The following DLGAP2 variants were observed in gnomAD, a reference collection of about 807,000 sequenced individuals.
The protein encoded by DLGAP2 is DLG associated protein 2.
In DLGAP2, 26 loss-of-function variants were observed where a neutral mutation model predicts 100.3. The observed-to-expected ratio is 0.26, with a 90% CI of 0.19 to 0.36. The LOEUF is 0.36. Ranked by LOEUF, DLGAP2 falls within the 10% of genes least tolerant of loss-of-function variation. DLGAP2 has a pLI of 1.00. For synonymous variants in DLGAP2, 886 were observed against 630.1 expected, an observed-to-expected ratio of 1.41 and a Z score of -6.08; for missense variants, 1,858 against 1,453.2, an observed-to-expected ratio of 1.28 and a Z score of -4.53.
At chr8:1,161,259 A>G (rs1796883445) in intron 2 of DLGAP2, among the ~76,000 whole-genome samples, 1 of 152,138 alleles carries the variant, frequency 6.6e-6, no homozygotes, top group Non-Finnish European at 1.5e-5. Context: ...TAAATACACA[A>G]GCTGACCACA....
intron 2 of DLGAP2, among the ~76,000 whole-genome samples, chr8:1,067,512 A>C (rs752212179): frequency 6.6e-6 from 1 of 152,088 alleles, no homozygotes; most frequent in Non-Finnish European, 1.5e-5. Flanking sequence ...GCCGTCCTCC[A>C]CACGGGGCTA....
In DLGAP2 at chr8:1,185,729, ACACT is replaced by A. The variant is rs1329989054; in HGVS notation, c.74-73118_74-73115del. On this transcript the variant is annotated intron_variant, in intron 2 of 14. Coordinates refer to ENST00000637795, the MANE Select transcript of DLGAP2 (RefSeq NM_001346810.2). ...CACACTCACACACACACACACACTC[ACACT>A]CACACACACACACTCACACACATTC... Among the ~76,000 whole-genome samples, 338 of 41,784 alleles carry A rather than the reference ACACT, an allele frequency of 8.1e-3. 2 individuals are homozygous for A. The highest frequency in any genetic ancestry group is 0.034 in the African/African-American group (299 of 8,830). 27.4% of individuals were successfully genotyped at this position (41,784 alleles called of 152,430 possible).
intron 4 of DLGAP2, among the ~76,000 whole-genome samples, chr8:1,536,753 T>C (rs1801165652): frequency 6.6e-6 from 1 of 152,200 alleles, no homozygotes; most frequent in African/African-American, 2.4e-5. Flanking sequence ...TCCCATTCCT[T>C]TTCTGCCACT....
At chr8:1,174,777 C>T (rs949996489) in intron 2 of DLGAP2, among the ~76,000 whole-genome samples, 8 of 152,184 alleles carry the variant, frequency 5.3e-5, no homozygotes, top group African/African-American at 1.7e-4. Flanking sequence ...TCATTGTCAT[C>T]ATCACCACCA....
chr8:1,468,430 C>A (rs1427710923), intron 3 of DLGAP2, among the ~76,000 whole-genome samples: 2 of 151,462 alleles, frequency 1.3e-5, no homozygotes, highest in Non-Finnish European at 2.9e-5. Context: ...GTCCTGAGTC[C>A]CCAACAGCCA....
intron 3 of DLGAP2, among the ~76,000 whole-genome samples, chr8:1,352,687 CCTT>C (rs1207295034): frequency 1.3e-5 from 2 of 152,164 alleles, no homozygotes; most frequent in Non-Finnish European, 1.5e-5. Context: ...TGTCCACGTT[CCTT>C]CTTTACATGA....
intron 2 of DLGAP2, among the ~76,000 whole-genome samples, chr8:974,710 A>G (rs540631546): frequency 6.6e-6 from 1 of 152,194 alleles, no homozygotes; most frequent in Non-Finnish European, 1.5e-5. Flanking sequence ...GTAAAAATGA[A>G]AATTCAACTT....
chr8:1,449,465 G>A (rs1215678068), intron 3 of DLGAP2, among the ~76,000 whole-genome samples: 1 of 152,178 alleles, frequency 6.6e-6, no homozygotes, highest in Non-Finnish European at 1.5e-5. Flanking sequence ...GAAGAGCAGT[G>A]GGACGGGACG....
chr8:1,046,049 G>T (rs146305623), intron 2 of DLGAP2, among the ~76,000 whole-genome samples: 2 of 152,282 alleles, frequency 1.3e-5, no homozygotes, highest in African/African-American at 4.8e-5. Flanking sequence ...CAATTTTGTC[G>T]AAGATTTTTC....
intron 4 of DLGAP2, among the ~76,000 whole-genome samples, chr8:1,522,253 G>A (rs13257864): frequency 0.61 from 92,741 of 152,100 alleles, 28,979 homozygotes; most frequent in South Asian, 0.8. Context: ...GCATCCTGCC[G>A]TATAACAGTC....
intron 3 of DLGAP2, among the ~76,000 whole-genome samples, chr8:1,429,501 C>T (rs73670800): frequency 0.026 from 3,928 of 152,196 alleles, 132 homozygotes; most frequent in African/African-American, 0.086. Flanking sequence ...GCTGGGTTAA[C>T]GTGCTGATGG....
At chr8:1,644,544 C>T (rs1370401109) in intron 8 of DLGAP2, among the ~76,000 whole-genome samples, 1 of 152,246 alleles carries the variant, frequency 6.6e-6, no homozygotes, top group Non-Finnish European at 1.5e-5. Flanking sequence ...AAGGAAGCGG[C>T]AGAGACGCGC....
intron 2 of DLGAP2, among the ~76,000 whole-genome samples, chr8:1,051,665 C>T (rs919266193): frequency 2.0e-5 from 3 of 152,110 alleles, no homozygotes; most frequent in South Asian, 2.1e-4. Flanking sequence ...AGTAAAGTCA[C>T]GTCTGGTCCA....
At chr8:1,445,761 G>C (rs539973625) in intron 3 of DLGAP2, among the ~76,000 whole-genome samples, 31 of 152,240 alleles carry the variant, frequency 2.0e-4, no homozygotes, top group South Asian at 6.2e-4. Flanking sequence ...GTTGTTTCCT[G>C]ACTTTTTAAT....
At chr8:870,512 G>GTCTGTCTCCTCTCACTTCCTGC (rs1240307398) in intron 1 of DLGAP2, among the ~76,000 whole-genome samples, 2 of 152,066 alleles carry the variant, frequency 1.3e-5, no homozygotes, top group African/African-American at 4.8e-5. Context: ...CCCCTTTGCC[G>GTCTGTCTCCTCTCACTTCCTGC]TCTGTCTCCT....
At chr8:1,638,025 G>C (rs141711291) in intron 8 of DLGAP2, among the ~76,000 whole-genome samples, 17 of 152,284 alleles carry the variant, frequency 1.1e-4, no homozygotes, top group African/African-American at 4.1e-4. Flanking sequence ...TCTGGGATTC[G>C]CAGGGCACCC....
At chr8:1,590,887 C>A (rs1432318713) in intron 6 of DLGAP2, among the ~76,000 whole-genome samples, 1 of 152,180 alleles carries the variant, frequency 6.6e-6, no homozygotes, top group Non-Finnish European at 1.5e-5. Flanking sequence ...TTACCAGGGA[C>A]TGGTGGATCT....
At chr8:918,283 C>A (rs1377316964) in intron 2 of DLGAP2, among the ~76,000 whole-genome samples, 6 of 152,154 alleles carry the variant, frequency 3.9e-5, no homozygotes, top group Non-Finnish European at 7.3e-5. Context: ...TTAAAATATG[C>A]CTCTGTTATT....
intron 2 of DLGAP2, among the ~76,000 whole-genome samples, chr8:1,105,745 G>A (rs1231222365): frequency 6.6e-6 from 1 of 150,684 alleles, no homozygotes; most frequent in Admixed American, 6.6e-5. Context: ...GGCCATTCTA[G>A]GAGGGTTTTC....
Sources: gnomAD v4.1 joint callset for allele counts (sites outside exome capture counted in the v4.1 genomes callset) on GRCh38, gnomAD v4.1.1 for gene constraint, MANE v1.5 for transcripts, NCBI Gene and HGNC (gene_info 2026-07-23, HGNC 2026-07-21) for gene names.